The following CNTNAP2 variants were observed in gnomAD, a reference collection of about 807,000 sequenced individuals.
CNTNAP2 encodes the protein contactin associated protein 2.
A neutral mutation model predicts 155.2 loss-of-function variants in CNTNAP2; 98 were observed. The observed-to-expected ratio is 0.63, with a 90% CI of 0.54 to 0.75. The LOEUF (loss-of-function observed/expected upper bound fraction) is 0.75. CNTNAP2 is among the 30% of genes least tolerant of loss of function. The pLI, the probability that CNTNAP2 is intolerant of heterozygous loss-of-function variation, is 0.00. For missense variants in CNTNAP2, 1,727 were observed against 1,688.1 expected, an observed-to-expected ratio of 1.02 and a Z score of -0.40; for synonymous variants, 651 against 631.2, an observed-to-expected ratio of 1.03 and a Z score of -0.47.
intron 16 of CNTNAP2, among the ~76,000 whole-genome samples, chr7:148,131,318 C>A (rs1804827797): frequency 6.6e-6 from 1 of 151,988 alleles, no homozygotes; most frequent in South Asian, 2.1e-4. Flanking sequence ...AGGATGGTCT[C>A]AAACTCCTGA....
chr7:147,613,965 T>C (rs1041599230), intron 12 of CNTNAP2, among the ~76,000 whole-genome samples: 1 of 152,198 alleles, frequency 6.6e-6, no homozygotes, highest in African/African-American at 2.4e-5. Flanking sequence ...AAGACAGGGA[T>C]CTAATTTTAT....
intron 21 of CNTNAP2, among the ~76,000 whole-genome samples, chr7:148,375,585 T>C (rs867235640): frequency 6.6e-6 from 1 of 150,688 alleles, no homozygotes; most frequent in Non-Finnish European, 1.5e-5. Context: ...GGTCTCAAAC[T>C]CCTGACCTCG....
intron 1 of CNTNAP2, among the ~76,000 whole-genome samples, chr7:146,721,000 GTCTATATATATAC>G (rs1801284607): frequency 1.2e-5 from 1 of 83,178 alleles, no homozygotes; most frequent in South Asian, 3.0e-4. Context: ...TATATATATA[GTCTATATATATAC>G]TCTATATATT....
chr7:147,611,919 G>A lies in CNTNAP2; in HGVS notation c.1898-27187G>A, dbSNP rs566340517. ...GTTTCTCATATATTGCATATTTGGG[G>A]TGAAAAAAGACAATGACAGCCAATT... is the stretch of plus-strand genomic sequence containing the variant. On this transcript the variant is annotated intron_variant, in intron 12 of 23. Coordinates refer to ENST00000361727, the MANE Select transcript of CNTNAP2 (RefSeq NM_014141.6). Among the ~76,000 whole-genome samples, 3 of 152,244 alleles carry A rather than the reference G, an allele frequency of 2.0e-5. 1 individual carries two copies. Among genetic ancestry groups the A allele is most frequent in the African/African-American group, 7.2e-5 (3 of 41,532 alleles).
intron 13 of CNTNAP2, among the ~76,000 whole-genome samples, chr7:147,722,847 A>C (rs1432463106): frequency 6.6e-6 from 1 of 152,072 alleles, no homozygotes; most frequent in African/African-American, 2.4e-5. Flanking sequence ...TCAAATGTCA[A>C]AATAAAGGGA....
At chr7:147,724,846 TACTG>T (rs1796619185) in intron 13 of CNTNAP2, among the ~76,000 whole-genome samples, 1 of 151,992 alleles carries the variant, frequency 6.6e-6, no homozygotes, top group Non-Finnish European at 1.5e-5. Flanking sequence ...TAGATGCCAC[TACTG>T]TGAGTTGTTG....
rs568227936 is a variant in CNTNAP2 at position 147,441,813 on chromosome 7, T to TTCTCTCTCTCTCTCTC, written c.1671-44099_1671-44084dup. On this transcript the variant is annotated intron_variant, in intron 10 of 23. Transcript: ENST00000361727. ...TTTCTTCCAACCAAATGTAGTCTCT[T>TTCTCTCTCTCTCTCTC]TCTCTCTCTCTCTCTCTCTCTCTCT... Among the ~76,000 whole-genome samples the TTCTCTCTCTCTCTCTC allele has an allele frequency of 5.4e-3, 549 of 102,150 alleles. 15 individuals carry two copies. The highest frequency in any genetic ancestry group is 0.011 in the East Asian group (31 of 2,742). 67.0% of individuals were successfully genotyped at this position (102,150 alleles called of 152,430 possible).
intron 1 of CNTNAP2, among the ~76,000 whole-genome samples, chr7:146,773,746 G>GT (rs1162941485): frequency 6.6e-6 from 1 of 152,124 alleles, no homozygotes; most frequent in African/African-American, 2.4e-5. Context: ...CTTGATAAGT[G>GT]TGCAATATCA....
chr7:147,458,973 ATTT>A (rs35029412), intron 10 of CNTNAP2, among the ~76,000 whole-genome samples: 2 of 151,384 alleles, frequency 1.3e-5, no homozygotes, highest in Non-Finnish European at 1.5e-5. Context: ...AAGGAAATTG[ATTT>A]TTTTTTTACC....
At chr7:147,575,980 A>G (rs888692474) in intron 12 of CNTNAP2, among the ~76,000 whole-genome samples, 5 of 152,114 alleles carry the variant, frequency 3.3e-5, no homozygotes, top group Admixed American at 6.6e-5. Context: ...CACAAAGAAT[A>G]TAGATTTGGA....
In CNTNAP2 at chr7:147,667,819, AT is replaced by A. The variant is rs140076825; in HGVS notation, c.2098+28514del. ...GCAAAAAAAAAAAATAATAAAAAAA[AT>A]AAAATAAAAAAATAAAAGATACCAA... On this transcript the variant is annotated intron_variant, in intron 13 of 23. Coordinates refer to ENST00000361727, the MANE Select transcript of CNTNAP2 (RefSeq NM_014141.6). 2.4e-3 allele frequency among the ~76,000 whole-genome samples: 359 copies of A among 150,842 alleles called. 6 individuals carry two copies. The highest frequency in any genetic ancestry group is 0.018 in the Middle Eastern group (5 of 282).
intron 1 of CNTNAP2, among the ~76,000 whole-genome samples, chr7:146,533,815 T>C (rs1421486676): frequency 6.6e-6 from 1 of 152,078 alleles, no homozygotes; most frequent in Non-Finnish European, 1.5e-5. Context: ...ATATTCAGTT[T>C]TGTTTGCTCT....
chr7:146,737,758 A>G (rs1801645544), intron 1 of CNTNAP2, among the ~76,000 whole-genome samples: 1 of 151,828 alleles, frequency 6.6e-6, no homozygotes, highest in African/African-American at 2.4e-5. Flanking sequence ...TCTGTGCCTG[A>G]TTTATTTTAC....
intron 3 of CNTNAP2, among the ~76,000 whole-genome samples, chr7:146,949,987 A>T (rs971347585): frequency 1.3e-5 from 2 of 152,198 alleles, no homozygotes; most frequent in African/African-American, 2.4e-5. Flanking sequence ...ATTGGTGCTC[A>T]TCTGTCAGGA....
At chr7:146,384,154 A>G (rs1396978301) in intron 1 of CNTNAP2, among the ~76,000 whole-genome samples, 2 of 152,226 alleles carry the variant, frequency 1.3e-5, no homozygotes, top group Non-Finnish European at 2.9e-5. Context: ...ACCCAAAGAA[A>G]TATATCAGAA....
intron 2 of CNTNAP2, among the ~76,000 whole-genome samples, chr7:146,802,643 A>T (rs1441136339): frequency 6.6e-6 from 1 of 151,998 alleles, no homozygotes; most frequent in Non-Finnish European, 1.5e-5. Context: ...CGCATGCCTC[A>T]CCTTCACCAT....
chr7:147,167,743 G>A (rs918996339), intron 8 of CNTNAP2, among the ~76,000 whole-genome samples: 1 of 152,096 alleles, frequency 6.6e-6, no homozygotes, highest in Admixed American at 6.5e-5. Context: ...AGTGAATGTG[G>A]CAGTTTGAAA....
intron 14 of CNTNAP2, among the ~76,000 whole-genome samples, chr7:147,959,257 G>A (rs775423326): frequency 1.3e-5 from 2 of 151,996 alleles, no homozygotes; most frequent in Admixed American, 1.3e-4. Flanking sequence ...TTGCCTCATA[G>A]CGTCTTTCCA....
intron 21 of CNTNAP2, among the ~76,000 whole-genome samples, chr7:148,345,596 G>A (rs886087109): frequency 2.0e-5 from 3 of 152,032 alleles, no homozygotes; most frequent in African/African-American, 4.8e-5. Context: ...TGTTGGCCAG[G>A]CTGGTCTCGA....
Sources: gnomAD v4.1 joint callset for allele counts (sites outside exome capture counted in the v4.1 genomes callset) on GRCh38, gnomAD v4.1.1 for gene constraint, MANE v1.5 for transcripts, NCBI Gene and HGNC (gene_info 2026-07-23, HGNC 2026-07-21) for gene names.